SEC31B: variants seen among roughly 807,000 people sequenced by gnomAD.
The protein encoded by SEC31B is protein transport protein Sec31B.
In SEC31B, 113 loss-of-function variants were observed where a neutral mutation model predicts 135.0. The ratio of observed to expected loss-of-function variants is 0.84; its 90% CI spans 0.72 to 0.98. The LOEUF (loss-of-function observed/expected upper bound fraction) is 0.98, where lower values mean the gene tolerates loss of function less well. SEC31B is among the 50% of genes least tolerant of loss of function. SEC31B has a pLI of 0.00. For missense variants in SEC31B, 1,296 were observed against 1,421.1 expected, an observed-to-expected ratio of 0.91 and a Z score of 1.42; for synonymous variants, 508 against 549.4, an observed-to-expected ratio of 0.92 and a Z score of 1.05.
Position 100,506,385 on chromosome 10 carries a change from G to A in SEC31B, c.818C>T (p.Ala273Val). The change falls in exon 8 of 26, where the codon GCT becomes GTT. Residue 273 changes from alanine (A) to valine (V), a missense_variant. Physicochemically the swap from Ala to Val is moderately conservative, Grantham distance 64 (BLOSUM62 0). Coordinates refer to ENST00000370345, the MANE Select transcript of SEC31B (RefSeq NM_015490.4). ...ILSVSWSQADAELLLTSAKDS... is the reference protein window; with the variant it reads ...ILSVSWSQADVELLLTSAKDS... ...CTTAGCACTAGTGAGCAGCAGCTCA[G>A]CATCAGCCTGGCTCCATGACACTGA... 1 of 1,614,156 alleles carries A rather than the reference G, an allele frequency of 6.2e-7. No homozygotes were observed. The highest frequency in any genetic ancestry group is 8.5e-7 in the Non-Finnish European group (1 of 1,180,014).
At chr10:100,497,051 G>T in intron 17 of SEC31B, 84 bp downstream of exon 17, 1 of 1,516,488 alleles carries the variant, frequency 6.6e-7, no homozygotes, top group Non-Finnish European at 9.0e-7. Flanking sequence ...CAGAAGATTC[G>T]CCTCTGCTAG....
chr10:100,495,101 C>A, intron 19 of SEC31B: 7 of 373,834 alleles, frequency 1.9e-5, no homozygotes, highest in South Asian at 1.6e-4. Context: ...GCTGGGATTA[C>A]AGGCGTGAGC....
At chr10:100,494,825 ATT>A (rs200276653) in intron 19 of SEC31B, 2,525 of 127,092 alleles carry the variant, frequency 0.02, 52 homozygotes, top group African/African-American at 0.067. Context: ...TACTGTAGCT[ATT>A]TTTTTTTTTT....
intron 14 of SEC31B, among the ~76,000 whole-genome samples, 193 bp downstream of exon 14, chr10:100,498,511 CT>C (rs1385211971): frequency 1.3e-5 from 2 of 152,148 alleles, no homozygotes; most frequent in African/African-American, 4.8e-5. Flanking sequence ...GGTAGAAGGC[CT>C]TCCATAGGAA....
intron 23 of SEC31B, 112 bp from the exon 24 acceptor site, chr10:100,489,086 AG>A: frequency 6.7e-7 from 1 of 1,487,408 alleles, no homozygotes; most frequent in Admixed American, 2.5e-5. Context: ...ATTACAGCAG[AG>A]TTGGGGAGAT....
At chr10:100,493,826 G>A (rs1177032990) in intron 19 of SEC31B, among the ~76,000 whole-genome samples, 7 of 152,158 alleles carry the variant, frequency 4.6e-5, no homozygotes, top group Admixed American at 2.6e-4. Context: ...TTTTGATAGC[G>A]TACTGTGGTT....
At chr10:100,510,023 G>T (rs1203684288) in intron 3 of SEC31B, among the ~76,000 whole-genome samples, 2 of 152,138 alleles carry the variant, frequency 1.3e-5, no homozygotes, top group East Asian at 1.9e-4. Context: ...GAGGCACAAA[G>T]AAGTTATAAA....
intron 2 of SEC31B, among the ~76,000 whole-genome samples, chr10:100,516,648 C>CAAAAAA (rs59172062): frequency 2.1e-5 from 1 of 47,506 alleles, no homozygotes; most frequent in Non-Finnish European, 4.0e-5. Context: ...GACTCTGTCT[C>CAAAAAA]AAAAAAAAAA....
In SEC31B at chr10:100,495,467, G is replaced by A. The variant is rs1589732509; in HGVS notation, c.2390C>T (p.Pro797Leu). The change falls in exon 19 of 26, where the codon CCC becomes CTC. Residue 797 changes from proline (P) to leucine (L), a missense_variant. Pro to Leu is a moderately conservative substitution (Grantham distance 98). Coordinates refer to ENST00000370345, the MANE Select transcript of SEC31B (RefSeq NM_015490.4). Reference protein sequence around the residue: ...AVLGQQSPPFPFPRIVVGATL... With the variant: ...AVLGQQSPPFLFPRIVVGATL... Reference sequence around the variant, plus strand: ...AGCTCCCACAACAATCCGGGGGAAGGGGAAAGGGGGAGACTGTTGGCCCAA... The same window carrying A: ...AGCTCCCACAACAATCCGGGGGAAGAGGAAAGGGGGAGACTGTTGGCCCAA... 2 of 1,613,944 alleles carry A rather than the reference G, an allele frequency of 1.2e-6. No homozygotes were observed. The highest frequency in any genetic ancestry group is 8.5e-7 in the Non-Finnish European group (1 of 1,179,914).
Position 100,507,966 on chromosome 10 carries a change from A to T in SEC31B, c.581T>A (p.Val194Asp). 1 of 1,614,198 alleles carries T rather than the reference A, an allele frequency of 6.2e-7. No homozygotes were observed. The highest frequency in any genetic ancestry group is 8.5e-7 in the Non-Finnish European group (1 of 1,180,032). Reference protein sequence around the residue: ...LSSAHPSGKAVVWDLRKNEPI... With the variant: ...LSSAHPSGKADVWDLRKNEPI... ...TTCATTCTTCCTGAGATCCCACACA[A>T]CTGCCTTGCCACTGGGGTGAGCAGA... Residue 194 changes from valine (V) to aspartate (D), a missense_variant, in exon 6 of 26, where the codon GTT becomes GAT. By Grantham distance (152) the Val-to-Asp change is radical. Coordinates refer to ENST00000370345, the MANE Select transcript of SEC31B (RefSeq NM_015490.4).
At chr10:100,509,711 G>A (rs1054881308) in intron 3 of SEC31B, among the ~76,000 whole-genome samples, 200 bp from the exon 4 acceptor site, 11 of 152,070 alleles carry the variant, frequency 7.2e-5, no homozygotes, top group African/African-American at 1.9e-4. Flanking sequence ...TTTCATCTAC[G>A]TTACACCAGA....
intron 6 of SEC31B, 115 bp downstream of exon 6, chr10:100,507,793 C>A (rs763250799): frequency 1.2e-4 from 173 of 1,451,892 alleles, no homozygotes; most frequent in Non-Finnish European, 1.5e-4. Context: ...AAGCGGCTGA[C>A]TCCACATGTC....
chr10:100,492,690 T>C (rs538561956), intron 19 of SEC31B, among the ~76,000 whole-genome samples: 1 of 152,300 alleles, frequency 6.6e-6, no homozygotes, highest in African/African-American at 2.4e-5. Flanking sequence ...ACAAAAAACT[T>C]CTATAACTAT....
chr10:100,489,533 G>T, intron 22 of SEC31B, 135 bp from the exon 23 acceptor site: 2 of 1,336,516 alleles, frequency 1.5e-6, no homozygotes, highest in Non-Finnish European at 2.1e-6. Flanking sequence ...GGAGACTGGT[G>T]TATGTGTGTA....
At chr10:100,514,464 T>C (rs545430688) in intron 3 of SEC31B, among the ~76,000 whole-genome samples, 1 of 152,120 alleles carries the variant, frequency 6.6e-6, no homozygotes, top group African/African-American at 2.4e-5. Context: ...TCTGAAATGT[T>C]TGGTTAGGGG....
chr10:100,507,893 G>C lies in SEC31B; in HGVS notation c.639+15C>G, dbSNP rs199555908. The C allele has an allele frequency of 4.5e-5, 73 of 1,614,178 alleles. No homozygotes were observed. In the East Asian group the frequency reaches 1.6e-3, roughly 35 times the overall value. On this transcript the variant is annotated intron_variant, in intron 6 of 25. Coordinates refer to ENST00000370345, the MANE Select transcript of SEC31B (RefSeq NM_015490.4). ...AGCCAGAGCCCAAGCCTGTGTTCTG[G>C]CCTCCAATACTCACCCTGTTGCTGT...
At position 100,516,887 on chromosome 10, in the gene SEC31B, C is replaced by T. The variant is rs560824593; in HGVS notation, c.66G>A (p.Leu22=). The T allele has an allele frequency of 1.7e-5, 27 of 1,613,866 alleles. No individual in the cohort carries two copies. The South Asian group carries it at 2.7e-4, about 16-fold the overall frequency. Residue 22 remains leucine (L), a synonymous_variant, in exon 2 of 26, where the codon TTG becomes TTA. Transcript: ENST00000370345. ...GTGTCACCATACCTGTGGCCAGATACAAAGGGTATTGGCTGGCTGGGCTCC... is the reference window on the plus strand; with the variant it reads ...GTGTCACCATACCTGTGGCCAGATATAAAGGGTATTGGCTGGCTGGGCTCC... The part of the protein sequence containing the change: ...QAWSPASQYP[L]YLATGTSAQQ...
chr10:100,509,548 G>A (rs1017290928), intron 3 of SEC31B, 37 bp from the exon 4 acceptor site: 22 of 1,527,708 alleles, frequency 1.4e-5, no homozygotes, highest in Non-Finnish European at 1.9e-5. Flanking sequence ...TACAAACTTA[G>A]GTTCATGTCA....
At chr10:100,494,580 G>C (rs1057232257) in intron 19 of SEC31B, among the ~76,000 whole-genome samples, 1 of 152,050 alleles carries the variant, frequency 6.6e-6, no homozygotes, top group South Asian at 2.1e-4. Context: ...AAAAGGCTTC[G>C]GCTTACTCTT....
Sources: allele counts gnomAD v4.1 joint callset (sites outside exome capture counted in the v4.1 genomes callset), GRCh38; gene constraint gnomAD v4.1.1; transcripts MANE v1.5; gene names NCBI Gene and HGNC (gene_info 2026-07-23, HGNC 2026-07-21).